Variants in ANKRD52 observed in about 807,000 individuals in gnomAD.
The protein encoded by ANKRD52 is serine/threonine-protein phosphatase 6 regulatory ankyrin repeat subunit C.
ANKRD52 carries 7 observed loss-of-function variants against 116.0 expected under a neutral mutation model. That is an observed-to-expected ratio of 0.06 (90% CI 0.03 to 0.11). The LOEUF is 0.11. Among genes scored for constraint, ANKRD52 ranks in the 10% least tolerant of loss-of-function variants. The pLI, the probability that ANKRD52 is intolerant of heterozygous loss-of-function variation, is 1.00. For missense variants in ANKRD52, 839 were observed against 1,408.6 expected, an observed-to-expected ratio of 0.60 and a Z score of 6.47; for synonymous variants, 528 against 578.1, an observed-to-expected ratio of 0.91 and a Z score of 1.24.
At position 56,248,838 on chromosome 12, in the gene ANKRD52, T is replaced by C; in HGVS notation, c.1625A>G (p.Asp542Gly). 6.2e-7 allele frequency: 1 copy of C among 1,608,148 alleles called. No individual in the cohort carries two copies. The highest frequency in any genetic ancestry group is 8.5e-7 in the Non-Finnish European group (1 of 1,177,440). Reference protein sequence around the residue: ...CLEFLLDNGADPSLRDRQGYT... With the variant: ...CLEFLLDNGAGPSLRDRQGYT... Reference sequence around the variant, plus strand: ...GCCCTGCCTGTCCCGCAGGGAGGGGTCTGCACCGTTATCCAGTAAGAACTC... The same window carrying C: ...GCCCTGCCTGTCCCGCAGGGAGGGGCCTGCACCGTTATCCAGTAAGAACTC... Residue 542 changes from aspartate (D) to glycine (G), a missense_variant, in exon 16 of 28, where the codon GAC (aspartate) becomes GGC (glycine). This residue lies in a region of ANKRD52 where 552 missense variants were observed against 810.6 expected (regional missense o/e 0.68). Transcript: ENST00000267116. This position sits in a 1 kb window ranked among gnomAD's most constrained non-coding sequence, Gnocchi z 5.1.
In ANKRD52 at chr12:56,245,003, G is replaced by A. The variant is rs369034521; in HGVS notation, c.2493-14C>T. On this transcript the variant is annotated splice_polypyrimidine_tract_variant and intron_variant, in intron 22 of 27. Coordinates refer to ENST00000267116, the MANE Select transcript of ANKRD52 (RefSeq NM_173595.4). ...TGGTTATTAATCCTAGAGGAAGAGG[G>A]AGGAGGGGTCATCAGGAAGGACAAG... The A allele has an allele frequency of 5.0e-6, 8 of 1,613,704 alleles. No individual in the cohort carries two copies. In the African/African-American group the frequency reaches 8.0e-5, roughly 16 times the overall value.
Position 56,254,575 on chromosome 12 carries a change from G to A in ANKRD52, c.693+3C>T. Reference sequence around the variant, plus strand: ...TCCCAACCCCAGAGCTCAAAGCCCTGACCTCCGCTCCCATCCGAAGCAGGT... The same window carrying A: ...TCCCAACCCCAGAGCTCAAAGCCCTAACCTCCGCTCCCATCCGAAGCAGGT... On this transcript the variant is annotated splice_donor_region_variant and intron_variant, in intron 7 of 27. Transcript: ENST00000267116. This position sits in a 1 kb window ranked among gnomAD's most constrained non-coding sequence, Gnocchi z 4.6. 2 of 1,613,200 alleles carry A rather than the reference G, an allele frequency of 1.2e-6. No homozygotes were observed. The highest frequency in any genetic ancestry group is 2.2e-5 in the South Asian group (2 of 90,980).
rs778180884 is a variant in ANKRD52, at chr12:56,252,768, A to G, written c.1301+12T>C. On this transcript the variant is annotated intron_variant, in intron 12 of 27. Coordinates refer to ENST00000267116, the MANE Select transcript of ANKRD52 (RefSeq NM_173595.4). The surrounding 1 kb of genome is among the most constrained non-coding windows in gnomAD (Gnocchi z 4.7). ...CCCTGCTCAAAGCATGGGAGAGAGA[A>G]AGAGAACTCACCCTCCGGAAGCAGC... The G allele has an allele frequency of 6.2e-7, 1 of 1,611,944 alleles. No individual in the cohort carries two copies. The highest frequency in any genetic ancestry group is 1.7e-5 in the Admixed American group (1 of 59,982).
In ANKRD52 at chr12:56,252,633, G is replaced by A; in HGVS notation, c.1302-63C>T. On this transcript the variant is annotated intron_variant, in intron 12 of 27. Transcript: ENST00000267116. This position sits in a 1 kb window ranked among gnomAD's most constrained non-coding sequence, Gnocchi z 4.7. ...AGGGAAGCCACAGGCCCAGGGTGGGGCTAAGGAAGGATGGGACTAGCAAGC... is the reference window on the plus strand; with the variant it reads ...AGGGAAGCCACAGGCCCAGGGTGGGACTAAGGAAGGATGGGACTAGCAAGC... 1.9e-6 allele frequency: 3 copies of A among 1,569,106 alleles called. No individual in the cohort carries two copies. The highest frequency in any genetic ancestry group is 2.2e-5 in the East Asian group (1 of 44,652).
chr12:56,248,504 C>CA lies in ANKRD52; in HGVS notation c.1766dup (p.Leu589PhefsTer11). On this transcript the variant is annotated frameshift_variant, in exon 17 of 28. Transcript: ENST00000267116. LOFTEE classifies it high-confidence loss of function. The surrounding 1 kb of genome is among the most constrained non-coding windows in gnomAD (Gnocchi z 5.1). ...AAGACGTGGGACTCACAGCTAAGTG[C>CA]AAAGGGCTGACTGGAATGGTGCTCT... 2 of 1,594,882 alleles carry CA rather than the reference C, an allele frequency of 1.3e-6. No homozygotes were observed. The highest frequency in any genetic ancestry group is 8.5e-7 in the Non-Finnish European group (1 of 1,170,720).
At position 56,254,323 on chromosome 12, in the gene ANKRD52, A is replaced by G; in HGVS notation, c.694-44T>C. On this transcript the variant is annotated intron_variant, in intron 7 of 27. Transcript: ENST00000267116. The surrounding 1 kb of genome is among the most constrained non-coding windows in gnomAD (Gnocchi z 4.6). The stretch of plus-strand genomic sequence containing the variant: ...GAGTAAGGTGGTATCAGTTTAAACA[A>G]AGTAGAAGCCAGCACATGTAGCCTC... 6.3e-7 allele frequency: 1 copy of G among 1,587,908 alleles called. No individual in the cohort carries two copies. The highest frequency in any genetic ancestry group is 8.6e-7 in the Non-Finnish European group (1 of 1,161,482).
intron 15 of ANKRD52, among the ~76,000 whole-genome samples, chr12:56,250,824 A>G (rs1311481396): frequency 6.6e-6 from 1 of 151,872 alleles, no homozygotes; most frequent in Non-Finnish European, 1.5e-5. Flanking sequence ...CGTCATTAAC[A>G]TCTTACATTA....
At position 56,244,170 on chromosome 12, in the gene ANKRD52, T is replaced by C. The variant is rs2135877844; in HGVS notation, c.2806-37A>G. Reference sequence around the variant, plus strand: ...GAACAGAGAGTGGAGACTTGTGAAGTAGAAATGTGGCAGGGTGCAGGGCAG... The same window carrying C: ...GAACAGAGAGTGGAGACTTGTGAAGCAGAAATGTGGCAGGGTGCAGGGCAG... On this transcript the variant is annotated intron_variant, in intron 25 of 27. Transcript: ENST00000267116. The surrounding 1 kb of genome is among the most constrained non-coding windows in gnomAD (Gnocchi z 4.9). 1.2e-6 allele frequency: 2 copies of C among 1,608,434 alleles called. No individual in the cohort carries two copies. Among genetic ancestry groups the C allele is most frequent in the Non-Finnish European group, 1.7e-6 (2 of 1,175,026 alleles).
rs1203238230 is a variant in ANKRD52 at position 56,241,286 on chromosome 12, CAG to C, written c.*1854_*1855del. 3 of 152,190 alleles carry C rather than the reference CAG, an allele frequency of 2.0e-5. No homozygotes were observed. Among genetic ancestry groups the C allele is most frequent in the Non-Finnish European group, 4.4e-5 (3 of 68,064 alleles). 9.4% of individuals were successfully genotyped at this position (152,190 alleles called of 1,614,324 possible). On this transcript the variant is annotated 3_prime_UTR_variant, in exon 28 of 28. Transcript: ENST00000267116. ...ACTGAGGGTTGGGAGAAGCAAAACA[CAG>C]AGAGACAGGGGATCAAAAGGGACCA... is the stretch of plus-strand genomic sequence containing the variant.
At position 56,244,310 on chromosome 12, in the gene ANKRD52, G is replaced by A. The variant is rs1179407768; in HGVS notation, c.2805+43C>T. On this transcript the variant is annotated intron_variant, in intron 25 of 27. Coordinates refer to ENST00000267116, the MANE Select transcript of ANKRD52 (RefSeq NM_173595.4). This position sits in a 1 kb window ranked among gnomAD's most constrained non-coding sequence, Gnocchi z 4.9. Reference sequence around the variant, plus strand: ...ACCGAGACTTACCTCTCTTCATCAAGCTCTGCCCCTTATGCAGTCCCCCAA... The same window carrying A: ...ACCGAGACTTACCTCTCTTCATCAAACTCTGCCCCTTATGCAGTCCCCCAA... The A allele has an allele frequency of 1.9e-6, 3 of 1,599,398 alleles. No homozygotes were observed. Among genetic ancestry groups the A allele is most frequent in the Non-Finnish European group, 2.6e-6 (3 of 1,167,214 alleles).
intron 15 of ANKRD52, among the ~76,000 whole-genome samples, chr12:56,249,852 C>A (rs1871600608): frequency 6.6e-6 from 1 of 152,184 alleles, no homozygotes; most frequent in Non-Finnish European, 1.5e-5. Context: ...CCAGCCTGGG[C>A]AACATGGTGA....
rs1476697367 is a variant in ANKRD52 at position 56,257,371 on chromosome 12, CA to C, written c.112-11del. 6.3e-7 allele frequency: 1 copy of C among 1,576,910 alleles called. No homozygotes were observed. Among genetic ancestry groups the C allele is most frequent in the Non-Finnish European group, 8.6e-7 (1 of 1,161,344 alleles). On this transcript the variant is annotated splice_polypyrimidine_tract_variant and intron_variant, in intron 2 of 27. Coordinates refer to ENST00000267116, the MANE Select transcript of ANKRD52 (RefSeq NM_173595.4). ...TTCGCCTCTCTTGGTCCTGGGAAGG[CA>C]AAAAAGAGCAGGGAGTATGGGCGCG...
Position 56,252,393 on chromosome 12 carries a change from G to A in ANKRD52, c.1371-78C>T. On this transcript the variant is annotated intron_variant, in intron 13 of 27. Transcript: ENST00000267116. This position sits in a 1 kb window ranked among gnomAD's most constrained non-coding sequence, Gnocchi z 4.7. ...GCAATCAGATGTGCAGCCAAATGCTGCTTTGTAACATTCTCCTTATTTAAG... is the reference window on the plus strand; with the variant it reads ...GCAATCAGATGTGCAGCCAAATGCTACTTTGTAACATTCTCCTTATTTAAG... 6.3e-7 allele frequency: 1 copy of A among 1,597,598 alleles called. No homozygotes were observed. Among genetic ancestry groups the A allele is most frequent in the Non-Finnish European group, 8.6e-7 (1 of 1,165,804 alleles).
Position 56,243,521 on chromosome 12 carries a change from G to A in ANKRD52, c.2981-129C>T. ...GTACCCAGCAGCGGCAGAATCCAAGGGTGACGAGGGCCCAGGAAGGCTGAC... is the reference window on the plus strand; with the variant it reads ...GTACCCAGCAGCGGCAGAATCCAAGAGTGACGAGGGCCCAGGAAGGCTGAC... On this transcript the variant is annotated intron_variant, in intron 27 of 27. Coordinates refer to ENST00000267116, the MANE Select transcript of ANKRD52 (RefSeq NM_173595.4). The surrounding 1 kb of genome is among the most constrained non-coding windows in gnomAD (Gnocchi z 4.6). 1.5e-6 allele frequency: 2 copies of A among 1,344,892 alleles called. No individual in the cohort carries two copies. The highest frequency in any genetic ancestry group is 2.0e-6 in the Non-Finnish European group (2 of 998,048). The allele number at this position is 1,344,892 out of a possible 1,614,324, so 83.3% of individuals were successfully genotyped here. A position where few individuals can be genotyped will look rare whatever the true frequency, so the allele number is the denominator to read the frequency against.
At chr12:56,249,834 G>A (rs564459788) in intron 15 of ANKRD52, among the ~76,000 whole-genome samples, 29 of 152,334 alleles carry the variant, frequency 1.9e-4, no homozygotes, top group African/African-American at 7.0e-4. Context: ...GAGCTCGGGA[G>A]TTCAAGACCA....
At position 56,255,032 on chromosome 12, in the gene ANKRD52, T is replaced by C; in HGVS notation, c.463-80A>G. 6.9e-7 allele frequency: 1 copy of C among 1,457,718 alleles called. No individual in the cohort carries two copies. Among genetic ancestry groups the C allele is most frequent in the Non-Finnish European group, 9.5e-7 (1 of 1,047,222 alleles). The allele number at this position is 1,457,718 out of a possible 1,614,324, so 90.3% of individuals were successfully genotyped here. The stretch of plus-strand genomic sequence containing the variant: ...ACCTAAGAGCAGAGGCCTCATCTCC[T>C]GAAAAGGCTGAGGCAGCCTAATGCC... On this transcript the variant is annotated intron_variant, in intron 5 of 27. Coordinates refer to ENST00000267116, the MANE Select transcript of ANKRD52 (RefSeq NM_173595.4). The surrounding 1 kb of genome is among the most constrained non-coding windows in gnomAD (Gnocchi z 4.3).
Position 56,244,199 on chromosome 12 carries a change from T to C in ANKRD52, c.2806-66A>G, listed in dbSNP as rs534360883. The C allele has an allele frequency of 1.9e-6, 3 of 1,578,234 alleles. No individual in the cohort carries two copies. Among genetic ancestry groups the C allele is most frequent in the East Asian group, 2.2e-5 (1 of 44,674 alleles). On this transcript the variant is annotated intron_variant, in intron 25 of 27. Coordinates refer to ENST00000267116, the MANE Select transcript of ANKRD52 (RefSeq NM_173595.4). This position sits in a 1 kb window ranked among gnomAD's most constrained non-coding sequence, Gnocchi z 4.9. Reference sequence around the variant, plus strand: ...AATGTGGCAGGGTGCAGGGCAGGAGTTGGGGAGAGTAACAGGAGGACAAAC... The same window carrying C: ...AATGTGGCAGGGTGCAGGGCAGGAGCTGGGGAGAGTAACAGGAGGACAAAC...
intron 4 of ANKRD52, among the ~76,000 whole-genome samples, chr12:56,256,221 C>A (rs1313544834): frequency 6.6e-6 from 1 of 152,150 alleles, no homozygotes; most frequent in Admixed American, 6.5e-5. Context: ...CTTCTTCAAG[C>A]CACCTGACTC....
rs760498386 is a variant in ANKRD52, at chr12:56,253,217, C to T, written c.1100+71G>A. ...GTGCCCTTTGGCAAGCTTATCTGTG[C>T]CTCCATGGTTGATGTGAGCAGTCTG... On this transcript the variant is annotated intron_variant, in intron 10 of 27. Coordinates refer to ENST00000267116, the MANE Select transcript of ANKRD52 (RefSeq NM_173595.4). The surrounding 1 kb of genome is among the most constrained non-coding windows in gnomAD (Gnocchi z 5.5). The T allele has an allele frequency of 3.3e-6, 5 of 1,508,948 alleles. No homozygotes were observed. The highest frequency in any genetic ancestry group is 4.6e-6 in the Non-Finnish European group (5 of 1,098,322). The allele number at this position is 1,508,948 out of a possible 1,614,324, so 93.5% of individuals were successfully genotyped here.
Sources: gnomAD v4.1 joint callset for allele counts (sites outside exome capture counted in the v4.1 genomes callset) on GRCh38, gnomAD v4.1.1 for gene constraint, gnomAD v4.1.1 regional missense constraint, Gnocchi (gnomAD v3.1) non-coding constraint, MANE v1.5 for transcripts, NCBI Gene and HGNC (gene_info 2026-07-23, HGNC 2026-07-21) for gene names.